The following TCF7L1 variants were observed in gnomAD, a reference collection of about 807,000 sequenced individuals.
TCF7L1 encodes the protein transcription factor 7-like 1.
A neutral mutation model predicts 63.7 loss-of-function variants in TCF7L1; 18 were observed. The ratio of observed to expected loss-of-function variants is 0.28; its 90% CI spans 0.20 to 0.42. The LOEUF is 0.42. Ranked by LOEUF, TCF7L1 falls within the 10% of genes least tolerant of loss-of-function variation. The probability of loss-of-function intolerance (pLI) is 1.00; values close to 1 mark genes in which losing one functional copy is unlikely to be tolerated. For synonymous variants in TCF7L1, 355 were observed against 340.9 expected (o/e 1.04, Z -0.46); for missense variants, 654 against 779.3 (o/e 0.84, Z 1.91).
intron 3 of TCF7L1, among the ~76,000 whole-genome samples, chr2:85,184,143 G>A (rs1019138244): frequency 2.0e-5 from 3 of 152,206 alleles, no homozygotes; most frequent in African/African-American, 7.2e-5. Context: ...CAGATTTCAT[G>A]TTAAGGAAAT....
At chr2:85,247,751 A>G (rs554029512) in intron 3 of TCF7L1, among the ~76,000 whole-genome samples, 9 of 152,322 alleles carry the variant, frequency 5.9e-5, no homozygotes, top group Admixed American at 4.6e-4. Flanking sequence ...CTTTGTGAAC[A>G]TGCAAATTAA....
intron 3 of TCF7L1, among the ~76,000 whole-genome samples, chr2:85,217,902 G>A (rs1021866940): frequency 2.6e-5 from 4 of 152,102 alleles, no homozygotes; most frequent in African/African-American, 7.2e-5. Context: ...TTGTATTTTC[G>A]ATTTTGGGGT....
At chr2:85,249,084 C>T (rs972137775) in intron 3 of TCF7L1, among the ~76,000 whole-genome samples, 2 of 152,152 alleles carry the variant, frequency 1.3e-5, no homozygotes, top group African/African-American at 4.8e-5. Context: ...AATACCTAGC[C>T]TAATGTCTGT....
In TCF7L1 at chr2:85,253,114, G is replaced by A. The variant is rs183886217; in HGVS notation, c.442-30381G>A. ...CAATAAGACTATGGAACAACAGACC[G>A]TGAGCCAGTGTCACCTTAAATGTAA... On this transcript the variant is annotated intron_variant, in intron 3 of 11. Coordinates refer to ENST00000282111, the MANE Select transcript of TCF7L1 (RefSeq NM_031283.3). 5.9e-5 allele frequency among the ~76,000 whole-genome samples: 9 copies of A among 152,302 alleles called. No individual in the cohort carries two copies. The East Asian group carries it at 1.2e-3, about 20-fold the overall frequency.
At chr2:85,251,450 C>T (rs1408816941) in intron 3 of TCF7L1, among the ~76,000 whole-genome samples, 8 of 152,144 alleles carry the variant, frequency 5.3e-5, no homozygotes, top group Non-Finnish European at 1.2e-4. Flanking sequence ...ATGTTTGTTT[C>T]CATAAAGGCT....
At chr2:85,276,567 A>G (rs972494096) in intron 3 of TCF7L1, among the ~76,000 whole-genome samples, 2 of 152,228 alleles carry the variant, frequency 1.3e-5, no homozygotes, top group Non-Finnish European at 2.9e-5. Context: ...CCACAGTTGC[A>G]GTCGTTTCTT....
intron 3 of TCF7L1, among the ~76,000 whole-genome samples, chr2:85,274,661 G>T (rs547197691): frequency 6.6e-6 from 1 of 152,340 alleles, no homozygotes; most frequent in African/African-American, 2.4e-5. Context: ...ACTCATCGTG[G>T]TACCTTGAAA....
At chr2:85,153,180 T>G (rs1335688537) in intron 3 of TCF7L1, among the ~76,000 whole-genome samples, 1 of 152,146 alleles carries the variant, frequency 6.6e-6, no homozygotes, top group Non-Finnish European at 1.5e-5. Flanking sequence ...AGCCATACTT[T>G]GATGTATTCC....
Position 85,307,574 on chromosome 2 carries a change from C to T in TCF7L1, c.1258-68C>T, listed in dbSNP as rs78775951. The T allele has an allele frequency of 7.2e-4, 977 of 1,359,616 alleles. 11 individuals are homozygous for T. The African/African-American group carries it at 0.012, about 17-fold the overall frequency. 84.2% of individuals were successfully genotyped at this position (1,359,616 alleles called of 1,614,324 possible). On this transcript the variant is annotated intron_variant, in intron 10 of 11. Transcript: ENST00000282111. ...GGCAACGTCCTGTCTTCTCTCTGAT[C>T]TGGGAGCCCCTGAGAAGCCAGCATT...
intron 3 of TCF7L1, among the ~76,000 whole-genome samples, chr2:85,138,485 A>G (rs1035480324): frequency 6.6e-6 from 1 of 152,172 alleles, no homozygotes. Context: ...TTTCATCTAA[A>G]TATAACTTCT....
At chr2:85,213,716 G>A (rs942087299) in intron 3 of TCF7L1, 1 of 152,182 alleles carries the variant, frequency 6.6e-6, no homozygotes, top group Non-Finnish European at 1.5e-5. Context: ...GCGCTTTTGG[G>A]TGAGGTCAAA....
chr2:85,279,613 C>T (rs945360745), intron 3 of TCF7L1, among the ~76,000 whole-genome samples: 1 of 152,026 alleles, frequency 6.6e-6, no homozygotes, highest in Non-Finnish European at 1.5e-5. Context: ...ATGCAGAGGC[C>T]GTCCATGGCC....
intron 3 of TCF7L1, among the ~76,000 whole-genome samples, chr2:85,157,698 G>A (rs1039100534): frequency 2.6e-4 from 40 of 152,258 alleles, no homozygotes; most frequent in African/African-American, 9.2e-4. Context: ...AAGAGGCCCT[G>A]AGCTATTGAA....
At chr2:85,290,436 A>G (rs955678179) in intron 4 of TCF7L1, among the ~76,000 whole-genome samples, 14 of 152,200 alleles carry the variant, frequency 9.2e-5, no homozygotes, top group African/African-American at 3.1e-4. Flanking sequence ...TCAGTCTCCA[A>G]AAGTGCTAGG....
intron 3 of TCF7L1, among the ~76,000 whole-genome samples, chr2:85,215,273 G>T (rs1679673136): frequency 1.3e-5 from 2 of 152,220 alleles, no homozygotes; most frequent in South Asian, 2.1e-4. Flanking sequence ...CCACCCAGTG[G>T]TGAGTCCGTA....
intron 3 of TCF7L1, among the ~76,000 whole-genome samples, chr2:85,140,998 C>G (rs946661712): frequency 6.6e-6 from 1 of 151,732 alleles, no homozygotes; most frequent in African/African-American, 2.4e-5. Context: ...TCAAGAGGAG[C>G]TTTTGAGCCA....
chr2:85,289,221 AGTGTGTGTGTGTGTGT>A, intron 4 of TCF7L1, among the ~76,000 whole-genome samples: 2 of 146,518 alleles, frequency 1.4e-5, no homozygotes, highest in African/African-American at 5.0e-5. Flanking sequence ...TTCAGTCTGG[AGTGTGTGTGTGTGTGT>A]GTGTGTGTGT....
intron 3 of TCF7L1, among the ~76,000 whole-genome samples, chr2:85,188,894 C>T (rs1459155272): frequency 6.6e-6 from 1 of 152,128 alleles, no homozygotes. Flanking sequence ...GAACATAATC[C>T]ATCTTTTTTA....
intron 3 of TCF7L1, among the ~76,000 whole-genome samples, chr2:85,201,656 T>C (rs1413938622): frequency 6.6e-6 from 1 of 152,228 alleles, no homozygotes; most frequent in Non-Finnish European, 1.5e-5. Flanking sequence ...CACTTTATGT[T>C]TAACCATTTG....
Sources: allele counts gnomAD v4.1 joint callset (sites outside exome capture counted in the v4.1 genomes callset), GRCh38; gene constraint gnomAD v4.1.1; transcripts MANE v1.5; gene names NCBI Gene and HGNC (gene_info 2026-07-23, HGNC 2026-07-21).